The following SDK1 variants were observed in gnomAD, a reference collection of about 807,000 sequenced individuals.
SDK1 encodes sidekick cell adhesion molecule 1, also known as protein sidekick-1.
Under a neutral mutation model 245.5 loss-of-function variants are expected in SDK1, and 157 were observed. The observed-to-expected ratio is 0.64, with a 90% CI of 0.56 to 0.73. The LOEUF is 0.73. Among genes scored for constraint, SDK1 ranks in the 30% least tolerant of loss-of-function variants. The pLI, the probability that SDK1 is intolerant of heterozygous loss-of-function variation, is 0.00. For synonymous variants in SDK1, 1,647 were observed against 1,278.5 expected, an observed-to-expected ratio of 1.29 and a Z score of -6.15; for missense variants, 3,583 against 3,002.3, an observed-to-expected ratio of 1.19 and a Z score of -4.52.
chr7:3,934,785 G>A (rs77164634), intron 5 of SDK1, among the ~76,000 whole-genome samples: 2,953 of 152,298 alleles, frequency 0.019, 44 homozygotes, highest in Non-Finnish European at 0.032. Flanking sequence ...AAAGATGTAC[G>A]TGCAATAGTG....
At chr7:3,598,292 G>A (rs1287915883) in intron 1 of SDK1, among the ~76,000 whole-genome samples, 1 of 151,996 alleles carries the variant, frequency 6.6e-6, no homozygotes, top group Non-Finnish European at 1.5e-5. Flanking sequence ...TATAGACTCT[G>A]GATATAAATT....
intron 4 of SDK1, among the ~76,000 whole-genome samples, chr7:3,710,054 T>C (rs999865057): frequency 6.6e-6 from 1 of 152,274 alleles, no homozygotes; most frequent in Non-Finnish European, 1.5e-5. Flanking sequence ...AGAGATTTTA[T>C]TAAAACTCTG....
intron 4 of SDK1, among the ~76,000 whole-genome samples, chr7:3,755,553 G>A (rs748893986): frequency 9.2e-5 from 14 of 151,802 alleles, no homozygotes; most frequent in African/African-American, 1.2e-4. Context: ...TTTTTAATTC[G>A]TACCCCACAC....
chr7:3,547,499 A>G (rs981448651), intron 1 of SDK1, among the ~76,000 whole-genome samples: 1 of 152,202 alleles, frequency 6.6e-6, no homozygotes, highest in African/African-American at 2.4e-5. Flanking sequence ...ATAGCATTTT[A>G]TTATGTATTA....
chr7:3,648,926 A>G (rs371370511), intron 4 of SDK1, among the ~76,000 whole-genome samples: 8 of 152,290 alleles, frequency 5.3e-5, no homozygotes, highest in African/African-American at 7.2e-5. Context: ...CACTTCTGCA[A>G]TCCTTTCTGG....
chr7:3,678,422 G>T (rs191685976), intron 4 of SDK1, among the ~76,000 whole-genome samples: 9 of 152,292 alleles, frequency 5.9e-5, no homozygotes, highest in African/African-American at 1.9e-4. Context: ...AGGTACCATG[G>T]ACTATTATGT....
intron 35 of SDK1, among the ~76,000 whole-genome samples, chr7:4,181,161 C>T (rs141716573): frequency 4.6e-5 from 7 of 152,350 alleles, no homozygotes; most frequent in African/African-American, 1.7e-4. Flanking sequence ...GCAAGTTCAC[C>T]TCTCGATACT....
In SDK1 at chr7:4,145,878, A is replaced by T; in HGVS notation, c.4385A>T (p.Glu1462Val). ...LSAKTRQGWG[E>V]PLEATVITTE... is the part of the protein sequence containing the mutation. The stretch of plus-strand genomic sequence containing the variant: ...GCCAAGACGAGGCAGGGCTGGGGGG[A>T]GCCACTGGAGGCCACCGTCATCACC... The change falls in exon 29 of 45, where the codon GAG becomes GTG. Residue 1462 changes from glutamate (E) to valine (V), a missense_variant. Glu to Val is a moderately radical substitution (Grantham distance 121). Transcript: ENST00000404826. 6.2e-7 allele frequency: 1 copy of T among 1,611,758 alleles called. No homozygotes were observed. Among genetic ancestry groups the T allele is most frequent in the Non-Finnish European group, 8.5e-7 (1 of 1,179,146 alleles).
chr7:3,753,076 A>G (rs564859941), intron 4 of SDK1, among the ~76,000 whole-genome samples: 10 of 152,308 alleles, frequency 6.6e-5, no homozygotes, highest in African/African-American at 2.4e-4. Flanking sequence ...ATGTACTGCC[A>G]TCACATCACT....
intron 1 of SDK1, among the ~76,000 whole-genome samples, chr7:3,516,411 T>C (rs575546219): frequency 1.3e-5 from 2 of 152,264 alleles, no homozygotes; most frequent in African/African-American, 4.8e-5. Context: ...AACTAACTTT[T>C]ATAATTTGAA....
intron 43 of SDK1, among the ~76,000 whole-genome samples, chr7:4,243,904 G>T (rs1245727979): frequency 2.0e-5 from 3 of 152,216 alleles, no homozygotes; most frequent in African/African-American, 7.2e-5. Flanking sequence ...GTTGATTTAT[G>T]TCTCCCCCGT....
At chr7:3,874,968 T>C (rs1462112756) in intron 5 of SDK1, among the ~76,000 whole-genome samples, 3 of 152,152 alleles carry the variant, frequency 2.0e-5, no homozygotes, top group Non-Finnish European at 2.9e-5. Context: ...GAGAGCACCC[T>C]TTAGGGTTCC....
chr7:3,781,922 C>T (rs1432468984), intron 4 of SDK1, among the ~76,000 whole-genome samples: 1 of 152,130 alleles, frequency 6.6e-6, no homozygotes, highest in East Asian at 1.9e-4. Flanking sequence ...GAGTTATGAA[C>T]ACTGTCAAGA....
At chr7:4,110,871 A>T in intron 23 of SDK1, 99 bp downstream of exon 23, 1 of 793,480 alleles carries the variant, frequency 1.3e-6, no homozygotes, top group African/African-American at 1.7e-5. Flanking sequence ...ACGTATGCAA[A>T]TCAGATGTTT....
At chr7:3,476,486 C>T (rs1375990533) in intron 1 of SDK1, among the ~76,000 whole-genome samples, 1 of 152,006 alleles carries the variant, frequency 6.6e-6, no homozygotes, top group Non-Finnish European at 1.5e-5. Flanking sequence ...ACATTTCTGC[C>T]GAATGATACA....
intron 4 of SDK1, among the ~76,000 whole-genome samples, chr7:3,662,225 T>C (rs1294035481): frequency 1.3e-5 from 2 of 152,180 alleles, no homozygotes; most frequent in African/African-American, 4.8e-5. Flanking sequence ...TGGATCAGTG[T>C]TGAAATGGGT....
At position 3,969,417 on chromosome 7, in the gene SDK1, T is replaced by C. The variant is rs780681870; in HGVS notation, c.1707T>C (p.Thr569=). Residue 569 remains threonine, a synonymous_variant, in exon 11 of 45, where the codon ACT becomes ACC. Coordinates refer to ENST00000404826, the MANE Select transcript of SDK1 (RefSeq NM_152744.4). The part of the protein sequence containing the change: ...EGSLNASATL[T]VWNRTSIVHP... ...CCCTGAATGCATCGGCCACGCTCAC[T>C]GTGTGGAGTAAGGAGCAGCCCTCGC... is the stretch of plus-strand genomic sequence containing the variant. The C allele has an allele frequency of 1.3e-5, 20 of 1,594,196 alleles. No individual in the cohort carries two copies. In the South Asian group the frequency reaches 1.8e-4, roughly 15 times the overall value.
intron 14 of SDK1, among the ~76,000 whole-genome samples, chr7:3,997,937 G>T (rs1363150804): frequency 6.6e-6 from 1 of 152,216 alleles, no homozygotes; most frequent in Non-Finnish European, 1.5e-5. Context: ...AGCAGTGAGA[G>T]CAGGCACTTC....
chr7:3,335,224 A>T (rs541589178), intron 1 of SDK1, among the ~76,000 whole-genome samples: 6 of 152,254 alleles, frequency 3.9e-5, no homozygotes, highest in African/African-American at 1.4e-4. Flanking sequence ...ATACTATTGC[A>T]CTTAGAATAC....
Sources: gnomAD v4.1 joint callset for allele counts (sites outside exome capture counted in the v4.1 genomes callset) on GRCh38, gnomAD v4.1.1 for gene constraint, MANE v1.5 for transcripts, NCBI Gene and HGNC (gene_info 2026-07-23, HGNC 2026-07-21) for gene names.